Variants in EXOC4 observed in about 807,000 individuals in gnomAD.
EXOC4 encodes exocyst complex component 4.
Under a neutral mutation model 107.2 loss-of-function variants are expected in EXOC4, and 71 were observed. That is an observed-to-expected ratio of 0.66 (90% CI 0.55 to 0.81). The LOEUF (loss-of-function observed/expected upper bound fraction) is 0.81, where lower values mean the gene tolerates loss of function less well. EXOC4 is among the 30% of genes least tolerant of loss of function. EXOC4 has a pLI of 0.00. For synonymous variants in EXOC4, 456 were observed against 441.2 expected, an observed-to-expected ratio of 1.03 and a Z score of -0.42; for missense variants, 1,108 against 1,189.6, an observed-to-expected ratio of 0.93 and a Z score of 1.01.
At chr7:133,436,710 G>T (rs1177916743) in intron 7 of EXOC4, among the ~76,000 whole-genome samples, 2 of 152,124 alleles carry the variant, frequency 1.3e-5, no homozygotes, top group African/African-American at 4.8e-5. Context: ...TTTAATCAGT[G>T]TATGGTTATT....
intron 17 of EXOC4, among the ~76,000 whole-genome samples, chr7:134,055,207 A>G (rs1795893636): frequency 6.6e-6 from 1 of 152,190 alleles, no homozygotes; most frequent in South Asian, 2.1e-4. Flanking sequence ...CTACAATTTC[A>G]AGAACTGTAC....
At chr7:133,961,474 G>C (rs1800943819) in intron 14 of EXOC4, among the ~76,000 whole-genome samples, 1 of 151,278 alleles carries the variant, frequency 6.6e-6, no homozygotes, top group Non-Finnish European at 1.5e-5. Context: ...TTTTAGTAAA[G>C]ACGCGGTTTT....
At chr7:133,768,307 T>A (rs571640671) in intron 10 of EXOC4, 1 of 152,048 alleles carries the variant, frequency 6.6e-6, no homozygotes, top group East Asian at 1.9e-4. Flanking sequence ...TAGATTTTTT[T>A]AATTAAGAAA....
chr7:133,591,676 G>A (rs1801550809), intron 9 of EXOC4, among the ~76,000 whole-genome samples: 1 of 152,026 alleles, frequency 6.6e-6, no homozygotes, highest in African/African-American at 2.4e-5. Flanking sequence ...GGATCTAAGT[G>A]GCCGATATGA....
rs1799117335 is a variant in EXOC4, at chr7:133,480,062, C to T, written c.1341C>T (p.Ser447=). Residue 447 remains serine (S), a synonymous_variant, in exon 9 of 18, where the codon TCC becomes TCT. Coordinates refer to ENST00000253861, the MANE Select transcript of EXOC4 (RefSeq NM_021807.4). The part of the protein sequence containing the change: ...PKNSLFKFES[S]SHAISMSAYL... The stretch of plus-strand genomic sequence containing the variant: ...TGTTTCTCTGCAGGTTCGAATCGTC[C>T]TCCCATGCCATCAGTATGAGCGCCT... 6.2e-7 allele frequency: 1 copy of T among 1,613,802 alleles called. No homozygotes were observed. Among genetic ancestry groups the T allele is most frequent in the South Asian group, 1.1e-5 (1 of 91,076 alleles).
At chr7:133,346,071 G>C (rs1795777450) in intron 5 of EXOC4, among the ~76,000 whole-genome samples, 1 of 152,202 alleles carries the variant, frequency 6.6e-6, no homozygotes, top group Non-Finnish European at 1.5e-5. Flanking sequence ...AATAAAAGAT[G>C]TAAGAAGTAA....
chr7:133,484,019 C>T (rs374815257), intron 9 of EXOC4: 12 of 1,613,938 alleles, frequency 7.4e-6, no homozygotes, highest in Non-Finnish European at 1.0e-5. Flanking sequence ...GTTCATACGT[C>T]AACTTTTCCT....
intron 6 of EXOC4, among the ~76,000 whole-genome samples, chr7:133,364,316 T>C (rs1236499913): frequency 6.6e-6 from 1 of 151,898 alleles, no homozygotes; most frequent in African/African-American, 2.4e-5. Context: ...TTTTTTTTTT[T>C]TTTTTAAGAG....
intron 10 of EXOC4, among the ~76,000 whole-genome samples, chr7:133,766,762 C>A (rs1396162269): frequency 2.0e-5 from 3 of 151,944 alleles, no homozygotes; most frequent in African/African-American, 7.2e-5. Flanking sequence ...CTAATATATT[C>A]TCTGAAGCAT....
chr7:133,370,044 G>A (rs1053326853), intron 6 of EXOC4, among the ~76,000 whole-genome samples: 3 of 151,798 alleles, frequency 2.0e-5, no homozygotes, highest in Non-Finnish European at 4.4e-5. Context: ...CCGCCACCTC[G>A]GCCTCCCGAA....
At chr7:133,513,259 G>A (rs999286146) in intron 9 of EXOC4, among the ~76,000 whole-genome samples, 2 of 152,124 alleles carry the variant, frequency 1.3e-5, no homozygotes, top group African/African-American at 4.8e-5. Flanking sequence ...GGTAGAAACA[G>A]GGTTTCACCA....
At chr7:133,329,736 T>A (rs1202710361) in intron 5 of EXOC4, among the ~76,000 whole-genome samples, 2 of 152,186 alleles carry the variant, frequency 1.3e-5, no homozygotes, top group African/African-American at 4.8e-5. Flanking sequence ...TTTGTTTGCC[T>A]GGGTATCACC....
chr7:134,065,978 G>A (rs890492041), downstream of EXOC4: 14 of 152,276 alleles, frequency 9.2e-5, no homozygotes, highest in African/African-American at 3.4e-4. Context: ...CCGGGAAGGG[G>A]ATTCAGTGGG....
At chr7:133,394,015 T>G (rs1325030779) in intron 7 of EXOC4, among the ~76,000 whole-genome samples, 2 of 152,222 alleles carry the variant, frequency 1.3e-5, no homozygotes, top group Non-Finnish European at 2.9e-5. Context: ...ATGAAGAGTT[T>G]CTGTTGGCCA....
chr7:133,863,276 G>A (rs1457125974), intron 11 of EXOC4, among the ~76,000 whole-genome samples: 6 of 151,990 alleles, frequency 3.9e-5, no homozygotes, highest in African/African-American at 1.4e-4. Context: ...ATATCCAAAT[G>A]AATTTTAAAA....
At chr7:133,969,021 T>C (rs2116865864) in intron 14 of EXOC4, among the ~76,000 whole-genome samples, 1 of 152,314 alleles carries the variant, frequency 6.6e-6, no homozygotes, top group Non-Finnish European at 1.5e-5. Flanking sequence ...CCATATTTCT[T>C]AGAGGCTTTG....
intron 17 of EXOC4, among the ~76,000 whole-genome samples, chr7:134,009,488 T>C (rs1794719429): frequency 6.6e-6 from 1 of 152,128 alleles, no homozygotes; most frequent in Non-Finnish European, 1.5e-5. Context: ...TTTCTATTTG[T>C]GGGAAAGTGA....
In EXOC4 at chr7:133,988,566, T is replaced by G. The variant is rs372390550; in HGVS notation, c.2207-8926T>G. Among the ~76,000 whole-genome samples the G allele has an allele frequency of 3.1e-4, 47 of 152,248 alleles. 1 individual carries two copies. In the East Asian group the frequency reaches 4.1e-3, roughly 13 times the overall value. ...TGATCTGGAAGGGAGACATAGTTAA[T>G]GGAATATACCTTCTATTCTAGAATT... On this transcript the variant is annotated intron_variant, in intron 14 of 17. Coordinates refer to ENST00000253861, the MANE Select transcript of EXOC4 (RefSeq NM_021807.4).
chr7:134,059,700 A>G (rs796405881), intron 17 of EXOC4, among the ~76,000 whole-genome samples: 4 of 152,336 alleles, frequency 2.6e-5, no homozygotes, highest in African/African-American at 9.6e-5. Context: ...GAAGTATCCA[A>G]TTGTGTTTCA....
Sources: allele counts gnomAD v4.1 joint callset (sites outside exome capture counted in the v4.1 genomes callset), GRCh38; gene constraint gnomAD v4.1.1; transcripts MANE v1.5; gene names NCBI Gene and HGNC (gene_info 2026-07-23, HGNC 2026-07-21).